The following EML6 variants were observed in gnomAD, a reference collection of about 807,000 sequenced individuals.
EML6 encodes EMAP like 6.
Under a neutral mutation model 240.1 loss-of-function variants are expected in EML6, and 154 were observed. The ratio of observed to expected loss-of-function variants is 0.64; its 90% CI spans 0.56 to 0.73. The LOEUF (loss-of-function observed/expected upper bound fraction) is 0.73. Ranked by LOEUF, EML6 falls within the 30% of genes least tolerant of loss-of-function variation. EML6 has a pLI of 0.00. For synonymous variants in EML6, 1,148 were observed against 899.0 expected (o/e 1.28, Z -4.95); for missense variants, 2,964 against 2,474.6 (o/e 1.20, Z -4.20).
At chr2:54,959,008 C>G in intron 33 of EML6, 96 bp from the exon 34 acceptor site, 2 of 1,171,250 alleles carry the variant, frequency 1.7e-6, no homozygotes, top group Non-Finnish European at 2.4e-6. Flanking sequence ...AGGCTGTCTG[C>G]ATCTCTAGCT....
chr2:54,962,944 T>A (rs945042161), intron 36 of EML6, among the ~76,000 whole-genome samples: 15 of 152,202 alleles, frequency 9.9e-5, no homozygotes, highest in African/African-American at 3.6e-4. Context: ...ACTAAAAATA[T>A]AGAGACAAAT....
Position 54,959,159 on chromosome 2 carries a change from A to G in EML6, c.4751A>G (p.His1584Arg). The change falls in exon 34 of 42, where the codon CAC becomes CGC. Residue 1584 changes from histidine (H) to arginine (R), a missense_variant. Transcript: ENST00000356458. ...GGAGATGTCTACGTCTGGAAGGACCACTTCCTCATCCGGCTGGTGGCCAAG... is the reference window on the plus strand; with the variant it reads ...GGAGATGTCTACGTCTGGAAGGACCGCTTCCTCATCCGGCTGGTGGCCAAG... ...INGDVYVWKD[H>R]FLIRLVAKAH... is the part of the protein sequence containing the mutation. The G allele has an allele frequency of 6.4e-7, 1 of 1,551,638 alleles. No homozygotes were observed. Among genetic ancestry groups the G allele is most frequent in the Non-Finnish European group, 8.7e-7 (1 of 1,146,982 alleles).
At chr2:54,892,011 A>G (rs1672494486) in intron 18 of EML6, among the ~76,000 whole-genome samples, 1 of 152,200 alleles carries the variant, frequency 6.6e-6, no homozygotes, top group South Asian at 2.1e-4. Flanking sequence ...TTACATTTAC[A>G]GTCAGTACTA....
intron 28 of EML6, among the ~76,000 whole-genome samples, chr2:54,934,827 A>T (rs758836319): frequency 6.6e-6 from 1 of 152,216 alleles, no homozygotes; most frequent in African/African-American, 2.4e-5. Context: ...CTAGGATTCC[A>T]GGTGTGAGCC....
In EML6 at chr2:54,780,562, A is replaced by G. The variant is rs536814379; in HGVS notation, c.198-32670A>G. Reference sequence around the variant, plus strand: ...CCCAGCAATTAAGGGAACTGTGTCTATAATATTGGAGATCTGGAGGAGAAT... The same window carrying G: ...CCCAGCAATTAAGGGAACTGTGTCTGTAATATTGGAGATCTGGAGGAGAAT... On this transcript the variant is annotated intron_variant, in intron 2 of 41. Coordinates refer to ENST00000356458, the MANE Select transcript of EML6 (RefSeq NM_001039753.4). Among the ~76,000 whole-genome samples, 7 of 152,320 alleles carry G rather than the reference A, an allele frequency of 4.6e-5. No individual in the cohort carries two copies. The South Asian group carries it at 1.0e-3, about 23-fold the overall frequency.
chr2:54,959,034 G>T, intron 33 of EML6, 70 bp from the exon 34 acceptor site: 1 of 1,419,578 alleles, frequency 7.0e-7, no homozygotes, highest in South Asian at 1.4e-5. Context: ...TCCTTAATGA[G>T]AGAACGGGTG....
At chr2:54,775,243 G>C (rs1200674761) in intron 2 of EML6, among the ~76,000 whole-genome samples, 1 of 152,182 alleles carries the variant, frequency 6.6e-6, no homozygotes, top group African/African-American at 2.4e-5. Flanking sequence ...GTGAAATGCG[G>C]AGTCCTTGCC....
chr2:54,867,064 T>G (rs1671010192), intron 14 of EML6, 180 bp downstream of exon 14: 1 of 453,246 alleles, frequency 2.2e-6, no homozygotes, highest in African/African-American at 2.0e-5. Flanking sequence ...CTCTATCCAC[T>G]TCCCTCGTTG....
At chr2:54,875,454 G>C (rs559611188) in intron 16 of EML6, among the ~76,000 whole-genome samples, 24 of 152,168 alleles carry the variant, frequency 1.6e-4, no homozygotes, top group Non-Finnish European at 2.6e-4. Flanking sequence ...CATCTCTTAG[G>C]AGTTAGCTCT....
chr2:54,916,782 A>T lies in EML6; in HGVS notation c.3522A>T (p.Thr1174=). The T allele has an allele frequency of 2.0e-6, 3 of 1,532,824 alleles. No homozygotes were observed. The highest frequency in any genetic ancestry group is 2.6e-6 in the Non-Finnish European group (3 of 1,132,646). The allele number at this position is 1,532,824 out of a possible 1,614,324, so 95.0% of individuals were successfully genotyped here. A position where few individuals can be genotyped will look rare whatever the true frequency, so the allele number is the denominator to read the frequency against. The change falls in exon 26 of 42, where the codon ACA becomes ACT. Residue 1174 remains threonine (T), a synonymous_variant. Coordinates refer to ENST00000356458, the MANE Select transcript of EML6 (RefSeq NM_001039753.4). ...AGATCGAGAAGATAGAGTGGGACAC[A>T]TGGACCTGTGTCCTGGGGCCCACCT... ...PSEIEKIEWD[T]WTCVLGPTCE...
rs1671129273 is a variant in EML6 at position 54,869,229 on chromosome 2, A to G, written c.2100A>G (p.Gly700=). ...ACAATCTGTTCTACACACAAGCTGG[A>G]GAAGTAGTCTACCACATTGCTGCAG... ...CRNNLFYTQA[G]EVVYHIAAVA... Residue 700 remains glycine, a synonymous_variant, in exon 15 of 42, where the codon GGA becomes GGG. Transcript: ENST00000356458. 3 of 1,551,720 alleles carry G rather than the reference A, an allele frequency of 1.9e-6. No individual in the cohort carries two copies. The African/African-American group carries it at 4.1e-5, about 21-fold the overall frequency.
At chr2:54,868,786 G>A (rs564713914) in intron 14 of EML6, 53 of 163,892 alleles carry the variant, frequency 3.2e-4, no homozygotes, top group South Asian at 8.0e-4. Context: ...TCTGTGTCCC[G>A]GAGTAATACA....
intron 12 of EML6, among the ~76,000 whole-genome samples, chr2:54,862,093 T>G (rs776975922): frequency 6.6e-6 from 1 of 151,948 alleles, no homozygotes; most frequent in Non-Finnish European, 1.5e-5. Flanking sequence ...CCCAGCACTT[T>G]GGGAGGCTAA....
intron 28 of EML6, among the ~76,000 whole-genome samples, chr2:54,939,597 T>G (rs1338939152): frequency 6.6e-6 from 1 of 152,142 alleles, no homozygotes; most frequent in African/African-American, 2.4e-5. Context: ...AGCCCCCACT[T>G]GTGGACCAGC....
intron 2 of EML6, among the ~76,000 whole-genome samples, chr2:54,763,825 A>C (rs2103770179): frequency 1.3e-5 from 2 of 152,294 alleles, no homozygotes; most frequent in East Asian, 3.9e-4. Context: ...TCAGGGCGTG[A>C]CACTAGGGGG....
At chr2:54,947,172 T>G (rs997626288) in intron 28 of EML6, among the ~76,000 whole-genome samples, 20 of 152,174 alleles carry the variant, frequency 1.3e-4, no homozygotes, top group Admixed American at 1.3e-3. Flanking sequence ...GTCATACACT[T>G]AAACGTTCTT....
chr2:54,935,533 T>G (rs1675091603), intron 28 of EML6, among the ~76,000 whole-genome samples: 1 of 152,352 alleles, frequency 6.6e-6, no homozygotes, highest in South Asian at 2.1e-4. Flanking sequence ...CAAGAATTAT[T>G]AGAGACATTT....
chr2:54,731,753 A>C (rs1414512705), intron 2 of EML6, among the ~76,000 whole-genome samples: 1 of 152,224 alleles, frequency 6.6e-6, no homozygotes, highest in African/African-American at 2.4e-5. Context: ...CCCATCAATC[A>C]GTCATTTGGA....
chr2:54,841,639 G>GAGT (rs1669462735), intron 7 of EML6, among the ~76,000 whole-genome samples: 1 of 146,656 alleles, frequency 6.8e-6, no homozygotes, highest in Non-Finnish European at 1.5e-5. Context: ...GCCCAGGCTG[G>GAGT]AGTACAATGG....
Sources: gnomAD v4.1 joint callset for allele counts (sites outside exome capture counted in the v4.1 genomes callset) on GRCh38, gnomAD v4.1.1 for gene constraint, MANE v1.5 for transcripts, NCBI Gene and HGNC (gene_info 2026-07-23, HGNC 2026-07-21) for gene names.